Variants in ATP13A4 observed in about 807,000 individuals in gnomAD.
ATP13A4 encodes the protein ATPase 13A4, also known as probable cation-transporting ATPase 13A4.
Under a neutral mutation model 142.5 loss-of-function variants are expected in ATP13A4, and 114 were observed. The observed-to-expected ratio is 0.80, with a 90% CI of 0.69 to 0.93. The LOEUF is 0.93. ATP13A4 is among the 40% of genes least tolerant of loss of function. ATP13A4 has a pLI of 0.00. For synonymous variants in ATP13A4, 488 were observed against 514.8 expected, an observed-to-expected ratio of 0.95 and a Z score of 0.70; for missense variants, 1,392 against 1,454.0, an observed-to-expected ratio of 0.96 and a Z score of 0.69.
intron 17 of ATP13A4, among the ~76,000 whole-genome samples, chr3:193,452,740 C>T (rs1436681421): frequency 6.7e-6 from 1 of 148,682 alleles, no homozygotes; most frequent in East Asian, 1.9e-4. Flanking sequence ...TAGGCTTATA[C>T]TGTATATATT....
upstream of ATP13A4, among the ~76,000 whole-genome samples, chr3:193,559,568 G>T (rs753998584): frequency 3.9e-5 from 6 of 152,136 alleles, no homozygotes; most frequent in Non-Finnish European, 7.3e-5. Flanking sequence ...AAGTCTAATT[G>T]AATTAATTAA....
At chr3:193,521,539 A>G (rs969042977) in intron 1 of ATP13A4, among the ~76,000 whole-genome samples, 30 of 152,230 alleles carry the variant, frequency 2.0e-4, no homozygotes, top group African/African-American at 6.3e-4. Context: ...CTAATCGTGT[A>G]TGGTTAGATA....
intron 2 of ATP13A4, among the ~76,000 whole-genome samples, chr3:193,506,299 C>A (rs1720857524): frequency 6.6e-6 from 1 of 152,176 alleles, no homozygotes; most frequent in Admixed American, 6.5e-5. Flanking sequence ...ATGCAAAGTG[C>A]TTGCCTGGCA....
intron 2 of ATP13A4, among the ~76,000 whole-genome samples, chr3:193,573,938 C>A (rs548528818): frequency 6.5e-4 from 99 of 152,244 alleles, no homozygotes; most frequent in Middle Eastern, 3.4e-3. Flanking sequence ...CCTGCTATAA[C>A]CTTACCCTGA....
chr3:193,547,938 G>A (rs566663328), intron 1 of ATP13A4, among the ~76,000 whole-genome samples: 1 of 152,172 alleles, frequency 6.6e-6, no homozygotes, highest in Non-Finnish European at 1.5e-5. Flanking sequence ...GAAGCTATTT[G>A]CTATTCTTTC....
intron 16 of ATP13A4, among the ~76,000 whole-genome samples, chr3:193,456,602 C>T (rs1717627625): frequency 6.6e-6 from 1 of 152,118 alleles, no homozygotes; most frequent in Non-Finnish European, 1.5e-5. Context: ...AATCTGGTCA[C>T]AGTACAGAGG....
intron 1 of ATP13A4, among the ~76,000 whole-genome samples, chr3:193,547,811 C>T (rs1254692861): frequency 6.6e-6 from 1 of 152,218 alleles, no homozygotes; most frequent in Non-Finnish European, 1.5e-5. Context: ...GCTCTGCTAT[C>T]ACCATCCTGA....
At chr3:193,542,167 T>C (rs1356545589) in intron 1 of ATP13A4, among the ~76,000 whole-genome samples, 1 of 152,058 alleles carries the variant, frequency 6.6e-6, no homozygotes, top group East Asian at 1.9e-4. Context: ...TCAAAAGCAT[T>C]CCTATACACC....
rs533441502 is a variant in ATP13A4 at position 193,537,785 on chromosome 3, A to G, written c.60+16955T>C. On this transcript the variant is annotated intron_variant, in intron 1 of 29. Coordinates refer to ENST00000342695, the MANE Select transcript of ATP13A4 (RefSeq NM_032279.4). ...ACTCAGGAATAAAAAGGAACAAACTATCGATACACAAAACAACCTGGGTCA... is the reference window on the plus strand; with the variant it reads ...ACTCAGGAATAAAAAGGAACAAACTGTCGATACACAAAACAACCTGGGTCA... Among the ~76,000 whole-genome samples, 11 of 152,316 alleles carry G rather than the reference A, an allele frequency of 7.2e-5. No homozygotes were observed. In the South Asian group the frequency reaches 1.2e-3, roughly 17 times the overall value.
chr3:193,549,433 TAGAGAGAGAG>T (rs374646368), intron 1 of ATP13A4, among the ~76,000 whole-genome samples: 2 of 136,660 alleles, frequency 1.5e-5, no homozygotes, highest in African/African-American at 2.7e-5. Flanking sequence ...TATATATATA[TAGAGAGAGAG>T]AGAGAGAGAG....
intron 2 of ATP13A4, among the ~76,000 whole-genome samples, chr3:193,577,643 T>G (rs912148109): frequency 9.2e-5 from 14 of 152,226 alleles, no homozygotes; most frequent in Non-Finnish European, 1.9e-4. Flanking sequence ...AACCATACTG[T>G]CTACACTGTG....
chr3:193,585,052 T>G (rs1247769696), intron 1 of ATP13A4, among the ~76,000 whole-genome samples: 2 of 152,226 alleles, frequency 1.3e-5, no homozygotes, highest in Non-Finnish European at 2.9e-5. Context: ...GCCTGCAGGC[T>G]GCATGCGGCC....
At position 193,510,141 on chromosome 3, in the gene ATP13A4, G is replaced by A. The variant is rs564571235; in HGVS notation, c.234+4557C>T. On this transcript the variant is annotated intron_variant, in intron 2 of 29. Coordinates refer to ENST00000342695, the MANE Select transcript of ATP13A4 (RefSeq NM_032279.4). ...AGAGACCAAGTTGCAGAGGAGGAGC[G>A]GGGAGGAGAGGAGGTAAGCGACCCA... is the stretch of plus-strand genomic sequence containing the variant. Among the ~76,000 whole-genome samples the A allele has an allele frequency of 6.6e-5, 10 of 152,288 alleles. No homozygotes were observed. In the South Asian group the frequency reaches 1.2e-3, roughly 19 times the overall value.
intron 2 of ATP13A4, chr3:193,579,061 A>G: frequency 5.5e-6 from 1 of 180,896 alleles, no homozygotes; most frequent in Non-Finnish European, 1.2e-5. Flanking sequence ...AGTTGCCAAC[A>G]CCAGCAGCAA....
chr3:193,473,574 A>C (rs1182969037), intron 8 of ATP13A4, among the ~76,000 whole-genome samples: 1 of 152,238 alleles, frequency 6.6e-6, no homozygotes, highest in Non-Finnish European at 1.5e-5. Flanking sequence ...AATTACAAAG[A>C]GGAAAATAAT....
intron 5 of ATP13A4, 32 bp downstream of exon 5, chr3:193,492,885 T>G: frequency 6.7e-7 from 1 of 1,503,410 alleles, no homozygotes; most frequent in Non-Finnish European, 9.2e-7. Context: ...ATAATCCTTT[T>G]GAGCTAGTAT....
At chr3:193,560,179 A>G (rs1264951394) in intron 2 of ATP13A4, among the ~76,000 whole-genome samples, 1 of 152,126 alleles carries the variant, frequency 6.6e-6, no homozygotes, top group African/African-American at 2.4e-5. Flanking sequence ...AGTCTTATAT[A>G]TGATATACTT....
chr3:193,424,841 A>C (rs1715575613), intron 25 of ATP13A4, among the ~76,000 whole-genome samples: 2 of 149,808 alleles, frequency 1.3e-5, no homozygotes, highest in African/African-American at 2.5e-5. Context: ...CATAAAACTA[A>C]AAAGATTTTG....
chr3:193,520,052 G>A (rs557203307), intron 1 of ATP13A4, among the ~76,000 whole-genome samples: 149 of 152,102 alleles, frequency 9.8e-4, no homozygotes, highest in Middle Eastern at 3.4e-3. Context: ...TTCCTCCCAC[G>A]TTGTTTACCC....
Sources: allele counts gnomAD v4.1 joint callset (sites outside exome capture counted in the v4.1 genomes callset), GRCh38; gene constraint gnomAD v4.1.1; transcripts MANE v1.5; gene names NCBI Gene and HGNC (gene_info 2026-07-23, HGNC 2026-07-21).